The following MAST4 variants were observed in gnomAD, a reference collection of about 807,000 sequenced individuals.
MAST4 encodes the protein microtubule-associated serine/threonine-protein kinase 4.
MAST4 carries 89 observed loss-of-function variants against 162.7 expected under a neutral mutation model. The observed-to-expected ratio is 0.55, with a 90% confidence interval of 0.46 to 0.65. The LOEUF is 0.65. MAST4 is among the 30% of genes least tolerant of loss of function. The pLI is 0.00. For missense variants in MAST4, 3,153 were observed against 3,374.0 expected (o/e 0.93, Z 1.62); for synonymous variants, 1,479 against 1,361.1 (o/e 1.09, Z -1.91).
At chr5:66,687,835 G>T (rs976234158) in intron 1 of MAST4, among the ~76,000 whole-genome samples, 3 of 152,092 alleles carry the variant, frequency 2.0e-5, no homozygotes, top group African/African-American at 7.2e-5. Context: ...TCAGTAGTGG[G>T]ATTTCTAGCA....
intron 5 of MAST4, among the ~76,000 whole-genome samples, chr5:67,076,237 G>T (rs2150697460): frequency 6.6e-6 from 1 of 152,276 alleles, no homozygotes; most frequent in South Asian, 2.1e-4. Flanking sequence ...TTTGCTTCTT[G>T]TGCCATTTTA....
intron 1 of MAST4, among the ~76,000 whole-genome samples, chr5:66,705,953 G>A (rs1385117656): frequency 6.6e-6 from 1 of 152,116 alleles, no homozygotes; most frequent in Non-Finnish European, 1.5e-5. Context: ...GCTTAGTAAG[G>A]CGAAGTAACT....
In MAST4 at chr5:66,634,298, A is replaced by G. The variant is rs113236094; in HGVS notation, c.363+37280A>G. 9.4e-3 allele frequency among the ~76,000 whole-genome samples: 1,433 copies of G among 152,250 alleles called. 19 individuals are homozygous for G. Among genetic ancestry groups the G allele is most frequent in the African/African-American group, 0.033 (1,369 of 41,538 alleles). On this transcript the variant is annotated intron_variant, in intron 1 of 28. Coordinates refer to ENST00000403625, the MANE Select transcript of MAST4 (RefSeq NM_001164664.2). ...GGTCTTGAACTCCTGACCTCAGGTG[A>G]TCCGCCTGCCTTGGCCTCCCATAGT...
chr5:67,054,811 C>G (rs1424982446), intron 5 of MAST4, among the ~76,000 whole-genome samples: 1 of 152,130 alleles, frequency 6.6e-6, no homozygotes, highest in African/African-American at 2.4e-5. Context: ...CATGATAACT[C>G]ATATGAAAAG....
chr5:66,932,684 G>A (rs997399042), intron 4 of MAST4, among the ~76,000 whole-genome samples: 5 of 152,130 alleles, frequency 3.3e-5, no homozygotes, highest in Admixed American at 6.6e-5. Context: ...CTATGCGTGG[G>A]TCATGGGTTG....
rs546662198 is a variant in MAST4 at position 66,673,978 on chromosome 5, G to A, written c.363+76960G>A. ...TTAAAAACAGCATTATATAATGTAA[G>A]GCTCTCAGGATTACATAAAGTCTGA... On this transcript the variant is annotated intron_variant, in intron 1 of 28. Transcript: ENST00000403625. Among the ~76,000 whole-genome samples the A allele has an allele frequency of 1.3e-5, 2 of 152,238 alleles. 1 individual carries two copies. The highest frequency in any genetic ancestry group is 4.1e-4 in the South Asian group (2 of 4,824).
intron 26 of MAST4, among the ~76,000 whole-genome samples, chr5:67,158,828 A>C (rs1772854696): frequency 6.6e-6 from 1 of 152,190 alleles, no homozygotes; most frequent in African/African-American, 2.4e-5. Context: ...TGAGGTCAGG[A>C]GTTCAAGACC....
chr5:66,913,601 C>T (rs188690260), intron 4 of MAST4, among the ~76,000 whole-genome samples: 18 of 152,274 alleles, frequency 1.2e-4, no homozygotes, highest in Non-Finnish European at 2.4e-4. Flanking sequence ...ATGTTTTCTC[C>T]CAGCCTGTGG....
At chr5:66,809,035 G>A (rs1037342871) in intron 3 of MAST4, among the ~76,000 whole-genome samples, 1 of 152,168 alleles carries the variant, frequency 6.6e-6, no homozygotes, top group African/African-American at 2.4e-5. Context: ...TTTCTCCTTG[G>A]ATCAGAGGGA....
At chr5:66,828,859 A>C (rs773484182) in intron 3 of MAST4, 1 of 1,606,950 alleles carries the variant, frequency 6.2e-7, no homozygotes, top group South Asian at 1.1e-5. Flanking sequence ...TGAGTCCAGC[A>C]TTCTAAGACG....
intron 5 of MAST4, among the ~76,000 whole-genome samples, chr5:67,078,956 ATC>A: frequency 9.1e-6 from 1 of 110,326 alleles, no homozygotes; most frequent in African/African-American, 3.8e-5. Flanking sequence ...ATATATGGCA[ATC>A]TGATGTTATC....
At chr5:66,780,090 A>G (rs1031733540) in intron 2 of MAST4, among the ~76,000 whole-genome samples, 2 of 152,094 alleles carry the variant, frequency 1.3e-5, no homozygotes, top group Admixed American at 1.3e-4. Flanking sequence ...TACATACCAA[A>G]ATTTACCATT....
chr5:67,125,650 C>T (rs1768136545), intron 14 of MAST4, among the ~76,000 whole-genome samples: 1 of 152,136 alleles, frequency 6.6e-6, no homozygotes, highest in Admixed American at 6.6e-5. Flanking sequence ...TCCAGTCTAT[C>T]ATTGATGGGC....
intron 1 of MAST4, among the ~76,000 whole-genome samples, chr5:66,659,728 C>A (rs1746783299): frequency 6.6e-6 from 1 of 152,230 alleles, no homozygotes; most frequent in Admixed American, 6.5e-5. Flanking sequence ...AAAGCATAGT[C>A]TTCACAGGCA....
Position 67,134,631 on chromosome 5 carries a change from G to A in MAST4, c.2335G>A (p.Gly779Arg). 1 of 1,613,682 alleles carries A rather than the reference G, an allele frequency of 6.2e-7. No individual in the cohort carries two copies. The highest frequency in any genetic ancestry group is 8.5e-7 in the Non-Finnish European group (1 of 1,179,676). Reference sequence around the variant, plus strand: ...GATTATCCTCTATGAATTTCTGGTTGGATGCGTGCCATTCTTTGGGGATAC... The same window carrying A: ...GATTATCCTCTATGAATTTCTGGTTAGATGCGTGCCATTCTTTGGGGATAC... ...MGIILYEFLV[G>R]CVPFFGDTPE... Residue 779 changes from glycine (G) to arginine (R), a missense_variant, in exon 18 of 29, where the codon GGA becomes AGA. Physicochemically the swap from Gly to Arg is moderately radical, Grantham distance 125. Transcript: ENST00000403625.
At chr5:67,056,887 G>A (rs1272580409) in intron 5 of MAST4, among the ~76,000 whole-genome samples, 1 of 151,636 alleles carries the variant, frequency 6.6e-6, no homozygotes, top group Non-Finnish European at 1.5e-5. Context: ...ATTTTTAGTA[G>A]AGAGAAGGTT....
chr5:66,843,538 A>G (rs1758575740), intron 3 of MAST4, among the ~76,000 whole-genome samples: 1 of 152,082 alleles, frequency 6.6e-6, no homozygotes. Context: ...TAGCACTAAC[A>G]TTTTCTGATA....
chr5:66,785,421 A>G (rs950169509), intron 2 of MAST4, among the ~76,000 whole-genome samples: 17 of 152,226 alleles, frequency 1.1e-4, no homozygotes, highest in African/African-American at 4.1e-4. Flanking sequence ...CTTCACCTAA[A>G]CATATGTGAT....
intron 1 of MAST4, among the ~76,000 whole-genome samples, chr5:66,677,630 C>T (rs1471154365): frequency 1.3e-5 from 2 of 152,166 alleles, no homozygotes; most frequent in Non-Finnish European, 2.9e-5. Flanking sequence ...GTTGTCTCTG[C>T]TATGCAAAGG....
Sources: allele counts gnomAD v4.1 joint callset (sites outside exome capture counted in the v4.1 genomes callset), GRCh38; gene constraint gnomAD v4.1.1; transcripts MANE v1.5; gene names NCBI Gene and HGNC (gene_info 2026-07-23, HGNC 2026-07-21).